The following POLE variants were observed in gnomAD, a reference collection of about 807,000 sequenced individuals.
The protein encoded by POLE is DNA polymerase epsilon, catalytic subunit.
POLE carries 188 observed loss-of-function variants against 279.2 expected under a neutral mutation model. The observed-to-expected ratio is 0.67, with a 90% CI of 0.60 to 0.76. POLE has a LOEUF of 0.76. Ranked by LOEUF, POLE falls within the 30% of genes least tolerant of loss-of-function variation. The pLI, the probability that POLE is intolerant of heterozygous loss-of-function variation, is 0.00. For synonymous variants in POLE, 1,214 were observed against 1,172.5 expected (o/e 1.04, Z -0.72); for missense variants, 2,703 against 3,016.7 (o/e 0.90, Z 2.44).
intron 43 of POLE, 100 bp from the exon 44 acceptor site, chr12:132,632,895 G>C: frequency 7.7e-7 from 1 of 1,299,346 alleles, no homozygotes; most frequent in Non-Finnish European, 1.0e-6. Context: ...TCACAGATGA[G>C]GCTAAAATGT....
chr12:132,681,041 G>A (rs2136032496), intron 2 of POLE, 97 bp downstream of exon 2: 1 of 1,415,220 alleles, frequency 7.1e-7, no homozygotes, highest in Non-Finnish European at 9.7e-7. Context: ...TTCACTCAAA[G>A]TTCCCTCATG....
chr12:132,632,545 C>T (rs758523978), intron 44 of POLE, 37 bp from the exon 45 acceptor site: 2 of 1,609,736 alleles, frequency 1.2e-6, no homozygotes, highest in Non-Finnish European at 8.5e-7. Flanking sequence ...GGGTCTGGGA[C>T]CTGTCTGGCA....
intron 2 of POLE, chr12:132,680,900 T>A: frequency 3.2e-6 from 2 of 629,780 alleles, no homozygotes; most frequent in Non-Finnish European, 5.5e-6. Flanking sequence ...TCCCTCATAA[T>A]CCTTGAAAGC....
chr12:132,673,221 C>T lies in POLE; in HGVS notation c.1416G>A (p.Lys472=), dbSNP rs776977459. ...DAVATYYLYM[K]YVHPFIFALC... ...GAGCAAAGATGAATGGGTGGACGTA[C>T]TTCATGTACAGGTAGTAAGTGGCGA... The change falls in exon 14 of 49, where the codon AAG becomes AAA. Residue 472 remains lysine (K), a synonymous_variant. Transcript: ENST00000320574. 6.2e-7 allele frequency: 1 copy of T among 1,613,932 alleles called. No homozygotes were observed. The highest frequency in any genetic ancestry group is 1.3e-5 in the African/African-American group (1 of 75,048).
rs1183661050 is a variant in POLE, at chr12:132,668,536, G to C, written c.2027-34C>G. 2.5e-6 allele frequency: 4 copies of C among 1,581,004 alleles called. No individual in the cohort carries two copies. The highest frequency in any genetic ancestry group is 3.5e-6 in the Non-Finnish European group (4 of 1,159,284). On this transcript the variant is annotated intron_variant, in intron 18 of 48. Transcript: ENST00000320574. The surrounding 1 kb of genome is among the most constrained non-coding windows in gnomAD (Gnocchi z 4.0). ...GAGGCAATGGGGGCAAGTTCAAAAG[G>C]AGGCACAGACACACCGGCTTCCCAC...
intron 45 of POLE, among the ~76,000 whole-genome samples, chr12:132,629,870 G>C (rs1448628096): frequency 1.3e-5 from 2 of 152,196 alleles, no homozygotes; most frequent in African/African-American, 2.4e-5. Flanking sequence ...CCTAAGTTTA[G>C]CCATTTCTAG....
rs5745002 is a variant in POLE, at chr12:132,634,659, AC to A, written c.5812-282del. Among the ~76,000 whole-genome samples, 18,879 of 151,816 alleles carry A rather than the reference AC, an allele frequency of 0.12. 1,322 individuals are homozygous for A. Among genetic ancestry groups the A allele is most frequent in the South Asian group, 0.16 (756 of 4,802 alleles). On this transcript the variant is annotated intron_variant, in intron 42 of 48. Transcript: ENST00000320574. This position sits in a 1 kb window ranked among gnomAD's most constrained non-coding sequence, Gnocchi z 4.0. ...AGTTCACTTTAATTGTTGAACTCCC[AC>A]CCCCCAAGGACGAAAGAACCAGCCA...
chr12:132,633,758 C>T (rs1032100467), intron 43 of POLE: 1 of 159,660 alleles, frequency 6.3e-6, no homozygotes, highest in African/African-American at 2.4e-5. Flanking sequence ...AACTCCCCCA[C>T]CAGAAAGTTA....
rs193005943 is a variant in POLE, at chr12:132,647,464, G to C, written c.4149+1465C>G. On this transcript the variant is annotated intron_variant, in intron 32 of 48. Transcript: ENST00000320574. ...TATCTTGCTTAAAAAAAAAAAAAGC[G>C]TATTATCCCTCTCGTATCTTGCTTT... Among the ~76,000 whole-genome samples the C allele has an allele frequency of 2.0e-5, 3 of 150,388 alleles. No homozygotes were observed. The East Asian group carries it at 5.8e-4, about 29-fold the overall frequency.
chr12:132,677,925 C>T (rs1212537326), intron 6 of POLE, among the ~76,000 whole-genome samples: 1 of 152,218 alleles, frequency 6.6e-6, no homozygotes, highest in African/African-American at 2.4e-5. Context: ...CGCCTGTAAT[C>T]CCAGCACTTT....
At chr12:132,647,094 G>A (rs1213629674) in intron 32 of POLE, among the ~76,000 whole-genome samples, 1 of 152,010 alleles carries the variant, frequency 6.6e-6, no homozygotes, top group Non-Finnish European at 1.5e-5. Context: ...AGTTTCTAAG[G>A]ACCTATCAAC....
At position 132,675,820 on chromosome 12, in the gene POLE, C is replaced by G. The variant is rs137860861; in HGVS notation, c.1021G>C (p.Ala341Pro). 5 of 1,612,720 alleles carry G rather than the reference C, an allele frequency of 3.1e-6. No individual in the cohort carries two copies. Among genetic ancestry groups the G allele is most frequent in the Non-Finnish European group, 4.2e-6 (5 of 1,178,698 alleles). Residue 341 changes from alanine (A) to proline (P), a missense_variant and splice_region_variant, in exon 11 of 49, where the codon GCT (alanine) becomes CCT (proline). Ala to Pro is a conservative substitution (Grantham distance 27). Around this residue, in one of 5 missense-constraint regions of POLE, gnomAD observed 1,011 missense variants for 1,111.7 expected, o/e 0.91. Coordinates refer to ENST00000320574, the MANE Select transcript of POLE (RefSeq NM_006231.4). This position sits in a 1 kb window ranked among gnomAD's most constrained non-coding sequence, Gnocchi z 4.3. Reference sequence around the variant, plus strand: ...TCAAACCACCTTTGGATCAGATGAGCCTGAACCCAAGTCACAGCAGTCAGA... The same window carrying G: ...TCAAACCACCTTTGGATCAGATGAGGCTGAACCCAAGTCACAGCAGTCAGA... ...PFCVFNEPDEAHLIQRWFEHV... is the reference protein window; with the variant it reads ...PFCVFNEPDEPHLIQRWFEHV...
chr12:132,681,393 G>C (rs1470062510), intron 1 of POLE, 114 bp from the exon 2 acceptor site: 4 of 1,063,018 alleles, frequency 3.8e-6, no homozygotes, highest in East Asian at 2.6e-5. Flanking sequence ...GCCTAGGCTG[G>C]AGTGCAGTGG....
chr12:132,641,558 G>A, intron 39 of POLE, 89 bp downstream of exon 39: 3 of 1,116,140 alleles, frequency 2.7e-6, no homozygotes, highest in South Asian at 2.8e-5. Context: ...GAAGCCCAAT[G>A]GACCCTGTCT....
Position 132,681,170 on chromosome 12 carries a change from C to T in POLE, c.172G>A (p.Glu58Lys), listed in dbSNP as rs1316755014. The T allele has an allele frequency of 6.2e-7, 1 of 1,614,152 alleles. No homozygotes were observed. Among genetic ancestry groups the T allele is most frequent in the African/African-American group, 1.3e-5 (1 of 75,036 alleles). Reference protein sequence around the residue: ...FGFERLKEPGEKTGWLINMHP... With the variant: ...FGFERLKEPGKKTGWLINMHP... ...ATGTTAATGAGCCAGCCTGTCTTCT[C>T]ACCAGGCTCCTTCAGCCGCTCAAAA... is the stretch of plus-strand genomic sequence containing the variant. Residue 58 changes from glutamate (E) to lysine (K), a missense_variant, in exon 2 of 49, where the codon GAG (glutamate) becomes AAG (lysine). Around this residue, in one of 5 missense-constraint regions of POLE, gnomAD observed 1,011 missense variants for 1,111.7 expected, o/e 0.91. Transcript: ENST00000320574.
At position 132,661,452 on chromosome 12, in the gene POLE, A is replaced by T. The variant is rs1195462866; in HGVS notation, c.2864+75T>A. 1.2e-5 allele frequency: 18 copies of T among 1,510,030 alleles called. No homozygotes were observed. The South Asian group carries it at 2.0e-4, about 16-fold the overall frequency. The allele number at this position is 1,510,030 out of a possible 1,614,324, so 93.5% of individuals were successfully genotyped here. The stretch of plus-strand genomic sequence containing the variant: ...TGTTTCTATCCTGGCTCCTGATCCA[A>T]CCTCCTTTCTGGGCTAAATTTAATC... On this transcript the variant is annotated intron_variant, in intron 24 of 48. Transcript: ENST00000320574. The surrounding 1 kb of genome is among the most constrained non-coding windows in gnomAD (Gnocchi z 4.1).
intron 13 of POLE, 21 bp from the exon 14 acceptor site, chr12:132,673,298 A>T: frequency 6.6e-7 from 1 of 1,507,310 alleles, no homozygotes; most frequent in South Asian, 1.1e-5. Context: ...AACGCCAGAG[A>T]GCAGGGCCAT....
intron 21 of POLE, among the ~76,000 whole-genome samples, 153 bp downstream of exon 21, chr12:132,665,149 C>T (rs960547250): frequency 6.6e-6 from 1 of 152,120 alleles, no homozygotes; most frequent in African/African-American, 2.4e-5. Context: ...TCTTCAACCT[C>T]CCAGCCCCAC....
rs1346185850 is a variant in POLE, at chr12:132,623,924, T to A, written c.*773A>T. 3.7e-5 allele frequency: 7 copies of A among 189,970 alleles called. No individual in the cohort carries two copies. The East Asian group carries it at 5.8e-4, about 16-fold the overall frequency. The allele number at this position is 189,970 out of a possible 1,614,324, so 11.8% of individuals were successfully genotyped here. A position where few individuals can be genotyped will look rare whatever the true frequency, so the allele number is the denominator to read the frequency against. On this transcript the variant is annotated 3_prime_UTR_variant, in exon 49 of 49. Transcript: ENST00000320574. ...CTGTGAGGCTCTCGTCTGGGGTGTC[T>A]GCATTTCTGATTTACATTTCATACT...
Sources: gnomAD v4.1 joint callset for allele counts (sites outside exome capture counted in the v4.1 genomes callset) on GRCh38, gnomAD v4.1.1 for gene constraint, gnomAD v4.1.1 regional missense constraint, Gnocchi (gnomAD v3.1) non-coding constraint, MANE v1.5 for transcripts, NCBI Gene and HGNC (gene_info 2026-07-23, HGNC 2026-07-21) for gene names.